The following GK variants were observed in gnomAD, a reference collection of about 807,000 sequenced individuals.
GK encodes glycerol kinase.
A neutral mutation model predicts 56.4 loss-of-function variants in GK; 9 were observed. The ratio of observed to expected loss-of-function variants is 0.16; its 90% confidence interval spans 0.10 to 0.28. The LOEUF (loss-of-function observed/expected upper bound fraction) is 0.28. GK is among the 10% of genes least tolerant of loss of function. GK has a pLI of 1.00. For synonymous variants in GK, 104 were observed against 144.1 expected (o/e 0.72, Z 1.99); for missense variants, 161 against 431.4 (o/e 0.37, Z 5.55).
Position 30,730,770 on chromosome X carries a change from A to G in GK, c.*2028A>G, listed in dbSNP as rs761304584. The G allele has an allele frequency of 3.6e-5, 4 of 109,976 alleles. No individual in the cohort carries two copies. Among genetic ancestry groups the G allele is most frequent in the South Asian group, 3.9e-4 (1 of 2,535 alleles). The allele number at this position is 109,976 out of a possible 1,213,427, so 9.1% of individuals were successfully genotyped here. ...GGAGTTCGGGACTAGCCTAACCGACATGGAGAAACCCTATCTCTACTAAAA... is the reference window on the plus strand; with the variant it reads ...GGAGTTCGGGACTAGCCTAACCGACGTGGAGAAACCCTATCTCTACTAAAA... On this transcript the variant is annotated 3_prime_UTR_variant, in exon 21 of 21. Coordinates refer to ENST00000427190, the MANE Select transcript of GK (RefSeq NM_001205019.2).
At position 30,728,833 on chromosome X, in the gene GK, A is replaced by G. The variant is rs1043662767; in HGVS notation, c.*91A>G. The G allele has an allele frequency of 1.1e-4, 70 of 655,084 alleles. No individual in the cohort carries two copies. Among genetic ancestry groups the G allele is most frequent in the Non-Finnish European group, 1.6e-4 (64 of 394,359 alleles). 54.0% of individuals were successfully genotyped at this position (655,084 alleles called of 1,213,427 possible). ...GTCTCTTAATGCAATGACACTATTC[A>G]TAGACTTTGATTTTATTTATAAGCC... On this transcript the variant is annotated 3_prime_UTR_variant, in exon 21 of 21. Coordinates refer to ENST00000427190, the MANE Select transcript of GK (RefSeq NM_001205019.2).
rs190818302 is a variant in GK, at chrX:30,684,580, C to T, written c.338-6543C>T. On this transcript the variant is annotated intron_variant, in intron 4 of 20. Transcript: ENST00000427190. ...ACTAGGGAGGCTGAGGCGGGAGAAT[C>T]GCTTGAACCCGGGAGGCGGAGGTTG... is the stretch of plus-strand genomic sequence containing the variant. 3.9e-4 allele frequency among the ~76,000 whole-genome samples: 40 copies of T among 101,600 alleles called. No individual in the cohort carries two copies. In the East Asian group the frequency reaches 0.012, roughly 30 times the overall value. 88.2% of individuals were successfully genotyped at this position (101,600 alleles called of 115,157 possible).
intron 4 of GK, among the ~76,000 whole-genome samples, chrX:30,686,512 G>A (rs1193214747): frequency 8.9e-6 from 1 of 111,850 alleles, no homozygotes; most frequent in East Asian, 2.8e-4. Flanking sequence ...TAGTCAAATG[G>A]AAATCAGCTA....
chrX:30,680,817 T>A (rs1934238601), intron 4 of GK, among the ~76,000 whole-genome samples: 2 of 111,497 alleles, frequency 1.8e-5, no homozygotes, highest in African/African-American at 6.5e-5. Flanking sequence ...AGGGTGGGGA[T>A]GAGTGTTGGT....
At chrX:30,667,047 G>T (rs770265369) in intron 2 of GK, among the ~76,000 whole-genome samples, 1 of 110,862 alleles carries the variant, frequency 9.0e-6, no homozygotes, top group African/African-American at 3.3e-5. Context: ...CCAGCTACTC[G>T]GGAGGCTGAG....
chrX:30,672,801 C>G (rs1933623521), intron 3 of GK, among the ~76,000 whole-genome samples: 1 of 110,737 alleles, frequency 9.0e-6, no homozygotes, highest in Non-Finnish European at 1.9e-5. Context: ...GCAACAACAT[C>G]GAAACTCTGT....
At chrX:30,655,695 T>C (rs1332326839) in intron 1 of GK, among the ~76,000 whole-genome samples, 1 of 112,346 alleles carries the variant, frequency 8.9e-6, no homozygotes, top group African/African-American at 3.2e-5. Flanking sequence ...GTCCATGCCT[T>C]CTTTTTGACT....
chrX:30,703,484 G>A lies in GK; in HGVS notation c.851+2579G>A, dbSNP rs1227634948. On this transcript the variant is annotated intron_variant, in intron 11 of 20. Transcript: ENST00000427190. ...GGGAGGCCATGAGTGAATGTGCATGGCACTGCAGAGGAGAAAGGGAGGGGA... is the reference window on the plus strand; with the variant it reads ...GGGAGGCCATGAGTGAATGTGCATGACACTGCAGAGGAGAAAGGGAGGGGA... 3.6e-5 allele frequency among the ~76,000 whole-genome samples: 4 copies of A among 110,883 alleles called. No homozygotes were observed. In the East Asian group the frequency reaches 1.1e-3, roughly 31 times the overall value.
chrX:30,673,033 T>A (rs187255580), intron 3 of GK, among the ~76,000 whole-genome samples: 22 of 112,004 alleles, frequency 2.0e-4, no homozygotes, highest in South Asian at 3.7e-4. Context: ...CATCCTGGAG[T>A]ATTTTCAAAG....
In GK at chrX:30,718,520, A is replaced by G; in HGVS notation, c.976-18A>G. On this transcript the variant is annotated intron_variant, in intron 13 of 20. Transcript: ENST00000427190. ...AGTGATAAAATATATTCTGTCTTGA[A>G]TTCCTTTTTTTCTTTAGGGTTCTGT... The G allele has an allele frequency of 9.1e-7, 1 of 1,099,480 alleles. No individual in the cohort carries two copies. The highest frequency in any genetic ancestry group is 1.8e-5 in the South Asian group (1 of 54,414). 90.6% of individuals were successfully genotyped at this position (1,099,480 alleles called of 1,213,427 possible). A position where few individuals can be genotyped will look rare whatever the true frequency, so the allele number is the denominator to read the frequency against.
chrX:30,679,298 C>T (rs1934141270), intron 4 of GK, among the ~76,000 whole-genome samples: 1 of 106,202 alleles, frequency 9.4e-6, no homozygotes, highest in African/African-American at 3.5e-5. Flanking sequence ...AATCTCGGCT[C>T]GCTCTATCTC....
intron 18 of GK, among the ~76,000 whole-genome samples, chrX:30,723,045 G>A (rs1936977908): frequency 8.9e-6 from 1 of 112,103 alleles, no homozygotes; most frequent in South Asian, 3.7e-4. Flanking sequence ...CTGTCTCAGA[G>A]GAATGCAATT....
At chrX:30,726,893 C>G (rs947490681) in intron 19 of GK, among the ~76,000 whole-genome samples, 2 of 111,805 alleles carry the variant, frequency 1.8e-5, no homozygotes, top group African/African-American at 6.5e-5. Flanking sequence ...TTGTTTGTGA[C>G]TATATTTGAA....
intron 4 of GK, among the ~76,000 whole-genome samples, chrX:30,685,932 G>C (rs1320461216): frequency 2.7e-5 from 3 of 112,128 alleles, no homozygotes; most frequent in African/African-American, 9.7e-5. Flanking sequence ...GGACTATAAG[G>C]CTTCAGTAAT....
chrX:30,709,590 A>C (rs1242359596), intron 13 of GK, among the ~76,000 whole-genome samples: 2 of 111,436 alleles, frequency 1.8e-5, no homozygotes, highest in Non-Finnish European at 3.8e-5. Flanking sequence ...TGTCGTCCAG[A>C]ATGGAATATA....
intron 5 of GK, among the ~76,000 whole-genome samples, chrX:30,693,700 T>C (rs1272822978): frequency 9.0e-6 from 1 of 110,673 alleles, no homozygotes; most frequent in Non-Finnish European, 1.9e-5. Context: ...AGGTGTGTGC[T>C]ACTATGCCCA....
chrX:30,688,135 A>G (rs1341815443), intron 4 of GK, among the ~76,000 whole-genome samples: 1 of 111,966 alleles, frequency 8.9e-6, no homozygotes, highest in African/African-American at 3.2e-5. Context: ...TTGGTGGCAA[A>G]GCCAAACATT....
intron 13 of GK, among the ~76,000 whole-genome samples, chrX:30,715,176 G>A (rs897387595): frequency 2.7e-5 from 3 of 111,851 alleles, no homozygotes; most frequent in Non-Finnish European, 5.6e-5. Context: ...TGCCTTGTAA[G>A]CTACAATTCT....
chrX:30,725,237 A>C (rs1428696571), intron 19 of GK, among the ~76,000 whole-genome samples: 1 of 111,773 alleles, frequency 8.9e-6, no homozygotes, highest in Admixed American at 9.5e-5. Context: ...CCTGCCTTCC[A>C]ACCCCAAAGT....
Sources: allele counts gnomAD v4.1 joint callset (sites outside exome capture counted in the v4.1 genomes callset), GRCh38; gene constraint gnomAD v4.1.1; transcripts MANE v1.5; gene names NCBI Gene and HGNC (gene_info 2026-07-23, HGNC 2026-07-21).